TMEM164: variants seen among roughly 807,000 people sequenced by gnomAD.
TMEM164 encodes transmembrane protein 164, also known as RP13-360B22.2.
Under a neutral mutation model 18.8 loss-of-function variants are expected in TMEM164, and 4 were observed. The ratio of observed to expected loss-of-function variants is 0.21; its 90% CI spans 0.10 to 0.49. The LOEUF (loss-of-function observed/expected upper bound fraction) is 0.49. Ranked by LOEUF, TMEM164 falls within the 20% of genes least tolerant of loss-of-function variation. The pLI is 0.98. For synonymous variants in TMEM164, 86 were observed against 101.7 expected (o/e 0.85, Z 0.93); for missense variants, 108 against 239.9 (o/e 0.45, Z 3.63).
intron 4 of TMEM164, among the ~76,000 whole-genome samples, chrX:110,131,298 G>A (rs2066609047): frequency 8.9e-6 from 1 of 111,853 alleles, no homozygotes; most frequent in Admixed American, 9.5e-5. Context: ...ATGCTTTCCT[G>A]CTTGCCTTTG....
intron 3 of TMEM164, among the ~76,000 whole-genome samples, chrX:110,074,466 G>A (rs1327362923): frequency 9.0e-6 from 1 of 111,486 alleles, no homozygotes; most frequent in Non-Finnish European, 1.9e-5. Context: ...AGTTTAATTA[G>A]GTCCCACTTG....
intron 4 of TMEM164, among the ~76,000 whole-genome samples, chrX:110,143,804 GGTGTGTGTGTGT>G (rs759024255): frequency 1.6e-4 from 16 of 103,074 alleles, no homozygotes; most frequent in Admixed American, 5.2e-4. Flanking sequence ...CATACTTTGG[GGTGTGTGTGTGT>G]GTGTGTGTGT....
chrX:110,048,556 C>T (rs1935411669), intron 2 of TMEM164, among the ~76,000 whole-genome samples: 1 of 110,181 alleles, frequency 9.1e-6, no homozygotes, highest in Non-Finnish European at 1.9e-5. Flanking sequence ...TTTAGAGGGG[C>T]CAAGTTTTTT....
chrX:110,124,826 T>A (rs1234805952), intron 4 of TMEM164, among the ~76,000 whole-genome samples: 1 of 112,109 alleles, frequency 8.9e-6, no homozygotes, highest in East Asian at 2.8e-4. Context: ...ACAAATCCAT[T>A]CCACCCCCAA....
intron 2 of TMEM164, 85 bp downstream of exon 2, chrX:110,004,249 A>T: frequency 9.5e-7 from 1 of 1,051,340 alleles, no homozygotes; most frequent in Admixed American, 3.0e-5. Flanking sequence ...ACAGCACCTC[A>T]TCCCGGCGGG....
chrX:110,070,033 G>C (rs770604624), intron 3 of TMEM164, among the ~76,000 whole-genome samples: 1 of 110,999 alleles, frequency 9.0e-6, no homozygotes, highest in South Asian at 3.8e-4. Context: ...TATTTTTCTG[G>C]GGCCGGGCAC....
chrX:110,148,429 G>A (rs188403835), intron 5 of TMEM164, among the ~76,000 whole-genome samples: 28 of 111,424 alleles, frequency 2.5e-4, no homozygotes, highest in African/African-American at 6.2e-4. Flanking sequence ...ATCCCTGTGC[G>A]ATTAGCTCCC....
intron 3 of TMEM164, among the ~76,000 whole-genome samples, chrX:110,104,962 A>G (rs1022415108): frequency 4.5e-5 from 5 of 111,924 alleles, no homozygotes; most frequent in Non-Finnish European, 9.4e-5. Flanking sequence ...AACCAAATAT[A>G]AGTCTGCCCC....
intron 5 of TMEM164, among the ~76,000 whole-genome samples, chrX:110,152,695 C>T (rs899230386): frequency 9.0e-6 from 1 of 110,719 alleles, no homozygotes; most frequent in Admixed American, 9.6e-5. Context: ...CTGCTCTTAC[C>T]TCCTAAATAT....
chrX:110,071,716 CA>C (rs59182790), intron 3 of TMEM164, among the ~76,000 whole-genome samples: 1,472 of 43,263 alleles, frequency 0.034, 14 homozygotes, highest in African/African-American at 0.096. Context: ...TTTGTCTCTA[CA>C]AAAAAAAAAA....
intron 2 of TMEM164, among the ~76,000 whole-genome samples, chrX:110,036,139 A>C (rs1226660867): frequency 8.9e-6 from 1 of 112,035 alleles, no homozygotes; most frequent in Non-Finnish European, 1.9e-5. Context: ...TTGTTGAATG[A>C]TGAATGGGAT....
chrX:110,122,700 A>T (rs1471512196), intron 4 of TMEM164, among the ~76,000 whole-genome samples: 3 of 112,265 alleles, frequency 2.7e-5, no homozygotes, highest in Non-Finnish European at 5.6e-5. Context: ...ACACTTTTTC[A>T]TGTACTTACT....
chrX:110,098,787 C>A (rs1413737591), intron 3 of TMEM164, among the ~76,000 whole-genome samples: 1 of 108,385 alleles, frequency 9.2e-6, no homozygotes, highest in Non-Finnish European at 1.9e-5. Context: ...TTTTTTCAGC[C>A]CTTTTTTTTT....
intron 5 of TMEM164, among the ~76,000 whole-genome samples, chrX:110,154,462 C>T (rs2066988718): frequency 9.0e-6 from 1 of 111,086 alleles, no homozygotes; most frequent in African/African-American, 3.3e-5. Context: ...CTGTGTCACC[C>T]TGGCTGGAGT....
chrX:110,135,567 G>C (rs764148458), intron 4 of TMEM164, among the ~76,000 whole-genome samples: 40 of 111,911 alleles, frequency 3.6e-4, no homozygotes, highest in Non-Finnish European at 6.4e-4. Context: ...TTGACAAATT[G>C]TTCTCCAGAA....
At chrX:110,039,864 C>G (rs994262327) in intron 2 of TMEM164, among the ~76,000 whole-genome samples, 1 of 111,164 alleles carries the variant, frequency 9.0e-6, no homozygotes. Flanking sequence ...TTTGTACTGC[C>G]GGGGCAAGGT....
At chrX:110,034,969 A>G (rs1295525496) in intron 2 of TMEM164, among the ~76,000 whole-genome samples, 3 of 103,445 alleles carry the variant, frequency 2.9e-5, no homozygotes, top group Non-Finnish European at 5.9e-5. Context: ...CTATCGCAAG[A>G]ACAAAAAACC....
chrX:110,067,809 T>C (rs1223788373), intron 3 of TMEM164, among the ~76,000 whole-genome samples: 1 of 112,196 alleles, frequency 8.9e-6, no homozygotes, highest in African/African-American at 3.2e-5. Context: ...TATGGGGTTT[T>C]CCCCCCTAAA....
Position 110,084,382 on chromosome X carries a change from A to G in TMEM164, c.440+16986A>G, listed in dbSNP as rs867998145. 3.1e-4 allele frequency among the ~76,000 whole-genome samples: 9 copies of G among 29,317 alleles called. 1 individual carries two copies. The highest frequency in any genetic ancestry group is 0.014 in the East Asian group (2 of 139). 25.5% of individuals were successfully genotyped at this position (29,317 alleles called of 115,157 possible). Reference sequence around the variant, plus strand: ...ATATAGTATAGTATATATATAGTGTATATATATATAGTATAGTATATATAT... The same window carrying G: ...ATATAGTATAGTATATATATAGTGTGTATATATATAGTATAGTATATATAT... On this transcript the variant is annotated intron_variant, in intron 3 of 6. Transcript: ENST00000372068.
Sources: allele counts gnomAD v4.1 joint callset (sites outside exome capture counted in the v4.1 genomes callset), GRCh38; gene constraint gnomAD v4.1.1; transcripts MANE v1.5; gene names NCBI Gene and HGNC (gene_info 2026-07-23, HGNC 2026-07-21).